Variants in MAGI1 observed in about 807,000 individuals in gnomAD.
MAGI1 encodes the protein membrane-associated guanylate kinase, WW and PDZ domain-containing protein 1.
A neutral mutation model predicts 139.9 loss-of-function variants in MAGI1; 58 were observed. The ratio of observed to expected loss-of-function variants is 0.41; its 90% CI spans 0.34 to 0.52. The LOEUF (loss-of-function observed/expected upper bound fraction) is 0.52, where lower values mean the gene tolerates loss of function less well. MAGI1 is among the 20% of genes least tolerant of loss of function. MAGI1 has a pLI of 0.12. For synonymous variants in MAGI1, 812 were observed against 737.9 expected (o/e 1.10, Z -1.63); for missense variants, 1,874 against 1,901.6 (o/e 0.99, Z 0.27).
chr3:65,690,972 T>G (rs1354063345), intron 1 of MAGI1, among the ~76,000 whole-genome samples: 1 of 152,106 alleles, frequency 6.6e-6, no homozygotes, highest in African/African-American at 2.4e-5. Flanking sequence ...AGAGTGACCA[T>G]CCTGAGAGTA....
At chr3:65,848,701 C>T (rs960149970) in intron 1 of MAGI1, among the ~76,000 whole-genome samples, 1 of 152,018 alleles carries the variant, frequency 6.6e-6, no homozygotes, top group Non-Finnish European at 1.5e-5. Flanking sequence ...GGGTCCTAGA[C>T]CCAGATAGGC....
chr3:65,895,392 C>A (rs1294923632), intron 1 of MAGI1, among the ~76,000 whole-genome samples: 1 of 152,180 alleles, frequency 6.6e-6, no homozygotes, highest in Non-Finnish European at 1.5e-5. Context: ...AGGCAATTTG[C>A]TGGTCTGAGT....
chr3:65,388,678 A>C (rs142854282), intron 14 of MAGI1, among the ~76,000 whole-genome samples: 53 of 152,128 alleles, frequency 3.5e-4, no homozygotes, highest in African/African-American at 1.1e-3. Flanking sequence ...TGAGGAAGAA[A>C]TCCATGTGAA....
At chr3:65,844,783 T>C (rs956510278) in intron 1 of MAGI1, among the ~76,000 whole-genome samples, 11 of 152,108 alleles carry the variant, frequency 7.2e-5, no homozygotes, top group South Asian at 2.1e-4. Context: ...TCTAAACACA[T>C]AGAATTAAAT....
At chr3:65,896,704 C>A (rs1476828434) in intron 1 of MAGI1, among the ~76,000 whole-genome samples, 1 of 152,070 alleles carries the variant, frequency 6.6e-6, no homozygotes, top group Non-Finnish European at 1.5e-5. Flanking sequence ...CTGGAAACAA[C>A]CTAAATACCC....
intron 4 of MAGI1, among the ~76,000 whole-genome samples, chr3:65,471,953 G>A (rs545120742): frequency 5.3e-5 from 8 of 152,102 alleles, no homozygotes; most frequent in Non-Finnish European, 1.0e-4. Context: ...AAGGAGAGGT[G>A]AAAGATGAAG....
chr3:65,524,891 T>C (rs2078316367), intron 2 of MAGI1, among the ~76,000 whole-genome samples: 1 of 152,044 alleles, frequency 6.6e-6, no homozygotes, highest in Non-Finnish European at 1.5e-5. Flanking sequence ...CTGGCAAAGG[T>C]CCCAACCCAG....
At chr3:65,838,710 G>C (rs900376079) in intron 1 of MAGI1, among the ~76,000 whole-genome samples, 1 of 152,198 alleles carries the variant, frequency 6.6e-6, no homozygotes, top group Non-Finnish European at 1.5e-5. Context: ...TTTTTGTGTG[G>C]ACATAAGTTT....
chr3:65,621,145 G>A (rs942829963), intron 2 of MAGI1, among the ~76,000 whole-genome samples: 1 of 152,094 alleles, frequency 6.6e-6, no homozygotes, highest in Non-Finnish European at 1.5e-5. Context: ...ATAAAGGACT[G>A]GGTGATAGAG....
At chr3:65,869,155 C>G (rs949614595) in intron 1 of MAGI1, among the ~76,000 whole-genome samples, 37 of 146,868 alleles carry the variant, frequency 2.5e-4, no homozygotes, top group Non-Finnish European at 4.4e-4. Context: ...CTCGGAGAGG[C>G]AGAGGCAGGA....
At chr3:65,458,400 T>A (rs1022016494) in intron 5 of MAGI1, among the ~76,000 whole-genome samples, 1 of 151,878 alleles carries the variant, frequency 6.6e-6, no homozygotes, top group East Asian at 1.9e-4. Context: ...CCGTTTCCCA[T>A]AGTGATTATA....
intron 1 of MAGI1, among the ~76,000 whole-genome samples, chr3:65,710,940 T>C (rs1027186176): frequency 1.3e-5 from 2 of 152,248 alleles, no homozygotes; most frequent in African/African-American, 4.8e-5. Context: ...GTCCTTGTTC[T>C]GTCCCCTAAA....
chr3:65,497,727 TA>T (rs891529739), intron 2 of MAGI1, among the ~76,000 whole-genome samples: 1 of 152,194 alleles, frequency 6.6e-6, no homozygotes, highest in African/African-American at 2.4e-5. Flanking sequence ...AGGTTTACCT[TA>T]AAGACAACAA....
chr3:65,836,865 T>C (rs1254695251), intron 1 of MAGI1, among the ~76,000 whole-genome samples: 1 of 152,130 alleles, frequency 6.6e-6, no homozygotes, highest in East Asian at 1.9e-4. Context: ...TGTGGAGCCA[T>C]CACTTTTGTA....
intron 2 of MAGI1, among the ~76,000 whole-genome samples, chr3:65,509,646 G>C (rs1165657778): frequency 6.6e-6 from 1 of 152,180 alleles, no homozygotes; most frequent in Non-Finnish European, 1.5e-5. Context: ...CTGGCTCAGA[G>C]GGTCCTACGC....
intron 1 of MAGI1, chr3:65,688,470 C>G (rs1175899186): frequency 2.1e-6 from 1 of 467,998 alleles, no homozygotes; most frequent in Non-Finnish European, 4.2e-6. Flanking sequence ...CAAAAGTGAC[C>G]TTCCCTTCAC....
chr3:65,577,264 T>C (rs1473149997), intron 2 of MAGI1, among the ~76,000 whole-genome samples: 4 of 152,062 alleles, frequency 2.6e-5, no homozygotes, highest in African/African-American at 9.7e-5. Context: ...ACCCTCCACA[T>C]ATGAAAGAAA....
chr3:65,931,511 C>G (rs113728527), intron 1 of MAGI1, among the ~76,000 whole-genome samples: 5,648 of 152,168 alleles, frequency 0.037, 359 homozygotes, highest in African/African-American at 0.13. Context: ...ATAAAAAATA[C>G]AAAAATTAGC....
At chr3:65,548,065 G>A (rs909713147) in intron 2 of MAGI1, among the ~76,000 whole-genome samples, 9 of 152,118 alleles carry the variant, frequency 5.9e-5, no homozygotes, top group South Asian at 2.1e-4. Flanking sequence ...GCAACCCTGC[G>A]GCAATAACCA....
Sources: gnomAD v4.1 joint callset for allele counts (sites outside exome capture counted in the v4.1 genomes callset) on GRCh38, gnomAD v4.1.1 for gene constraint, MANE v1.5 for transcripts, NCBI Gene and HGNC (gene_info 2026-07-23, HGNC 2026-07-21) for gene names.